The following NRXN3 variants were observed in gnomAD, a reference collection of about 807,000 sequenced individuals.
The protein encoded by NRXN3 is neurexin III.
In NRXN3, 32 loss-of-function variants were observed where a neutral mutation model predicts 137.6. That is an observed-to-expected ratio of 0.23 (90% CI 0.18 to 0.31). NRXN3 has a LOEUF of 0.31. Among genes scored for constraint, NRXN3 ranks in the 10% least tolerant of loss-of-function variants. The probability of loss-of-function intolerance (pLI) is 1.00; values close to 1 mark genes in which losing one functional copy is unlikely to be tolerated. For missense variants in NRXN3, 1,574 were observed against 2,062.5 expected (o/e 0.76, Z 4.59); for synonymous variants, 798 against 784.5 (o/e 1.02, Z -0.29).
At chr14:79,667,578 T>A (rs2098570476) in intron 17 of NRXN3, among the ~76,000 whole-genome samples, 1 of 152,078 alleles carries the variant, frequency 6.6e-6, no homozygotes, top group Non-Finnish European at 1.5e-5. Flanking sequence ...AGAAACAGAA[T>A]GAAAATAGTT....
chr14:79,823,479 G>T (rs985228753), intron 20 of NRXN3, among the ~76,000 whole-genome samples: 2 of 152,166 alleles, frequency 1.3e-5, no homozygotes, highest in African/African-American at 4.8e-5. Context: ...GGGATGCTGA[G>T]GTGGGAGGAT....
At chr14:79,651,613 A>C (rs2153972444) in intron 16 of NRXN3, among the ~76,000 whole-genome samples, 1 of 152,268 alleles carries the variant, frequency 6.6e-6, no homozygotes, top group Admixed American at 6.5e-5. Context: ...TGAATAGATA[A>C]TGGAGAGATT....
intron 2 of NRXN3, among the ~76,000 whole-genome samples, chr14:78,262,148 T>A (rs1209284618): frequency 2.0e-5 from 3 of 152,198 alleles, no homozygotes; most frequent in African/African-American, 7.2e-5. Flanking sequence ...GTGTTCATTG[T>A]CATTTGCTTG....
intron 4 of NRXN3, among the ~76,000 whole-genome samples, chr14:78,334,214 G>C (rs2081188228): frequency 6.6e-6 from 1 of 152,164 alleles, no homozygotes; most frequent in South Asian, 2.1e-4. Flanking sequence ...TATTGAGGAA[G>C]CGGTTGGGTT....
chr14:78,397,424 T>TCCTCCATTCTGCTGTTGTGC (rs372552757), intron 4 of NRXN3, among the ~76,000 whole-genome samples: 3,903 of 152,164 alleles, frequency 0.026, 149 homozygotes, highest in African/African-American at 0.083. Flanking sequence ...CCCCTCTGTG[T>TCCTCCATTCTGCTGTTGTGC]CCTCCATTCT....
chr14:79,522,893 A>T (rs1373449260), intron 16 of NRXN3, among the ~76,000 whole-genome samples: 1 of 151,990 alleles, frequency 6.6e-6, no homozygotes, highest in Non-Finnish European at 1.5e-5. Flanking sequence ...AGTCAGCTAT[A>T]TGCAAAATAG....
chr14:79,116,807 G>A lies in NRXN3; in HGVS notation c.3262+128666G>A, dbSNP rs569537903. Among the ~76,000 whole-genome samples, 9 of 152,288 alleles carry A rather than the reference G, an allele frequency of 5.9e-5. No individual in the cohort carries two copies. The South Asian group carries it at 1.9e-3, about 32-fold the overall frequency. On this transcript the variant is annotated intron_variant, in intron 15 of 20. Transcript: ENST00000335750. The stretch of plus-strand genomic sequence containing the variant: ...TGTTGTCTTGATAATATTTTATTAA[G>A]ACATAGCAAAAGATATAGCAGGGTC...
chr14:78,757,571 G>A (rs913706614), intron 8 of NRXN3, among the ~76,000 whole-genome samples: 1 of 152,164 alleles, frequency 6.6e-6, no homozygotes, highest in African/African-American at 2.4e-5. Flanking sequence ...GAAAGGCATG[G>A]TGTATCTGTC....
chr14:78,480,173 T>C (rs1359179596), intron 4 of NRXN3, among the ~76,000 whole-genome samples: 1 of 151,804 alleles, frequency 6.6e-6, no homozygotes, highest in Non-Finnish European at 1.5e-5. Context: ...AAAAAGAAAT[T>C]TGGAGAAATA....
At chr14:78,888,217 G>A (rs1366065149) in intron 10 of NRXN3, among the ~76,000 whole-genome samples, 1 of 151,996 alleles carries the variant, frequency 6.6e-6, no homozygotes, top group Non-Finnish European at 1.5e-5. Flanking sequence ...GTGAACAATG[G>A]GATCATGATC....
chr14:79,805,364 A>G (rs2099200239), intron 20 of NRXN3, among the ~76,000 whole-genome samples, 174 bp downstream of exon 20: 1 of 152,062 alleles, frequency 6.6e-6, no homozygotes, highest in Non-Finnish European at 1.5e-5. Flanking sequence ...TATCAATGAA[A>G]GCATCAAATC....
chr14:78,376,939 A>G (rs1170856332), intron 4 of NRXN3, among the ~76,000 whole-genome samples: 1 of 152,262 alleles, frequency 6.6e-6, no homozygotes, highest in Non-Finnish European at 1.5e-5. Context: ...TATACTTTGT[A>G]TGTAAAAACA....
intron 15 of NRXN3, among the ~76,000 whole-genome samples, chr14:79,216,258 C>T (rs151050848): frequency 1.2e-4 from 18 of 152,254 alleles, no homozygotes; most frequent in East Asian, 1.9e-4. Flanking sequence ...ATGGTGGCTG[C>T]GCTTCTGAGA....
intron 20 of NRXN3, among the ~76,000 whole-genome samples, chr14:79,808,397 C>T (rs1197945371): frequency 2.0e-5 from 3 of 151,908 alleles, no homozygotes; most frequent in Non-Finnish European, 4.4e-5. Flanking sequence ...ACTGCCCATG[C>T]AGCAACAGAT....
chr14:79,798,245 G>T (rs1002958927), intron 19 of NRXN3, among the ~76,000 whole-genome samples: 1 of 152,074 alleles, frequency 6.6e-6, no homozygotes, highest in South Asian at 2.1e-4. Context: ...CTCATTAAAG[G>T]TTATAGGTTT....
At chr14:78,982,045 T>C (rs2099490752) in intron 14 of NRXN3, among the ~76,000 whole-genome samples, 1 of 152,106 alleles carries the variant, frequency 6.6e-6, no homozygotes, top group Admixed American at 6.6e-5. Flanking sequence ...CTTGTCAGCA[T>C]CTGGTGAGTC....
At chr14:78,506,058 C>A (rs1400536644) in intron 4 of NRXN3, among the ~76,000 whole-genome samples, 2 of 152,100 alleles carry the variant, frequency 1.3e-5, no homozygotes, top group Non-Finnish European at 2.9e-5. Context: ...ACTATGGGCA[C>A]AATGTTGTAT....
intron 1 of NRXN3, among the ~76,000 whole-genome samples, chr14:78,219,027 T>C (rs1478885106): frequency 6.6e-6 from 1 of 152,196 alleles, no homozygotes; most frequent in Non-Finnish European, 1.5e-5. Flanking sequence ...AAGTCACCAC[T>C]TGTTATAAGG....
At chr14:78,261,076 C>T (rs1294392986) in intron 2 of NRXN3, among the ~76,000 whole-genome samples, 1 of 152,120 alleles carries the variant, frequency 6.6e-6, no homozygotes, top group Non-Finnish European at 1.5e-5. Flanking sequence ...AAGCATCTGT[C>T]TAAGGAAAGA....
Sources: gnomAD v4.1 joint callset for allele counts (sites outside exome capture counted in the v4.1 genomes callset) on GRCh38, gnomAD v4.1.1 for gene constraint, MANE v1.5 for transcripts, NCBI Gene and HGNC (gene_info 2026-07-23, HGNC 2026-07-21) for gene names.